ERC1: variants seen among roughly 807,000 people sequenced by gnomAD.
ERC1 encodes ELKS/RAB6-interacting/CAST family member 1, also known as RAB6 interacting protein 2.
In ERC1, 56 loss-of-function variants were observed where a neutral mutation model predicts 132.0. The observed-to-expected ratio is 0.42, with a 90% CI of 0.34 to 0.53. The LOEUF (loss-of-function observed/expected upper bound fraction) is 0.53. Among genes scored for constraint, ERC1 ranks in the 20% least tolerant of loss-of-function variants. The pLI, the probability that ERC1 is intolerant of heterozygous loss-of-function variation, is 0.03. For synonymous variants in ERC1, 478 were observed against 476.1 expected, an observed-to-expected ratio of 1.00 and a Z score of -0.05; for missense variants, 1,202 against 1,349.9, an observed-to-expected ratio of 0.89 and a Z score of 1.72.
chr12:1,195,897 A>C (rs1956187505), intron 12 of ERC1, among the ~76,000 whole-genome samples: 1 of 108,994 alleles, frequency 9.2e-6, no homozygotes, highest in Non-Finnish European at 1.8e-5. Context: ...CTTTTTTTGT[A>C]ATGGAAGCAA....
At chr12:1,100,100 G>A (rs546468326) in intron 3 of ERC1, among the ~76,000 whole-genome samples, 5 of 151,990 alleles carry the variant, frequency 3.3e-5, no homozygotes, top group Non-Finnish European at 5.9e-5. Flanking sequence ...CACCCGCCTC[G>A]GCCTCCCAAA....
intron 11 of ERC1, among the ~76,000 whole-genome samples, chr12:1,187,438 A>AT (rs200080469): frequency 0.014 from 2,069 of 148,172 alleles, 62 homozygotes; most frequent in African/African-American, 0.048. Flanking sequence ...TTATTATTTT[A>AT]TTTTTTTTTG....
intron 4 of ERC1, among the ~76,000 whole-genome samples, chr12:1,107,353 A>C (rs1383357711): frequency 6.6e-6 from 1 of 152,200 alleles, no homozygotes; most frequent in African/African-American, 2.4e-5. Context: ...ATGATGACAG[A>C]GTAGTTTGGA....
At chr12:1,362,581 T>C (rs1346166495) in intron 15 of ERC1, among the ~76,000 whole-genome samples, 1 of 152,204 alleles carries the variant, frequency 6.6e-6, no homozygotes, top group African/African-American at 2.4e-5. Flanking sequence ...TACATTGTGC[T>C]TGAATCATGC....
At chr12:1,440,651 TGTGTGTGTGTGTGTGTGA>T (rs2093120934) in intron 17 of ERC1, among the ~76,000 whole-genome samples, 1 of 131,692 alleles carries the variant, frequency 7.6e-6, no homozygotes, top group African/African-American at 3.4e-5. Flanking sequence ...TGTGTGTGTG[TGTGTGTGTGTGTGTGTGA>T]TGGAGTCTCA....
At chr12:1,109,353 ATTAT>A (rs1054620651) in intron 4 of ERC1, among the ~76,000 whole-genome samples, 48 of 152,326 alleles carry the variant, frequency 3.2e-4, no homozygotes, top group Admixed American at 9.8e-4. Context: ...AAATAACTTA[ATTAT>A]TCCCCCATTT....
chr12:1,420,005 T>C (rs1292895092), intron 17 of ERC1, among the ~76,000 whole-genome samples: 2 of 152,162 alleles, frequency 1.3e-5, no homozygotes, highest in Admixed American at 1.3e-4. Context: ...CTTGAGGCTT[T>C]GGTTTAGCCT....
At chr12:1,481,723 C>T (rs987658931) in intron 18 of ERC1, among the ~76,000 whole-genome samples, 2 of 152,202 alleles carry the variant, frequency 1.3e-5, no homozygotes, top group African/African-American at 4.8e-5. Flanking sequence ...TTTTCCCAGG[C>T]ATAGCATACG....
chr12:1,284,549 C>G (rs976314174), intron 14 of ERC1, among the ~76,000 whole-genome samples: 16 of 152,160 alleles, frequency 1.1e-4, no homozygotes, highest in African/African-American at 3.9e-4. Context: ...AATTTACATT[C>G]TCACTAACAG....
intron 15 of ERC1, among the ~76,000 whole-genome samples, chr12:1,329,430 C>T (rs2082709230): frequency 8.4e-6 from 1 of 119,648 alleles, no homozygotes; most frequent in Admixed American, 8.1e-5. Context: ...TAATAATGAC[C>T]TTCTATCCCT....
In ERC1 at chr12:1,490,392, A is replaced by C; in HGVS notation, c.*162A>C. The C allele has an allele frequency of 1.0e-5, 7 of 670,072 alleles. No individual in the cohort carries two copies. Among genetic ancestry groups the C allele is most frequent in the Non-Finnish European group, 1.8e-5 (7 of 399,752 alleles). The allele number at this position is 670,072 out of a possible 1,614,324, so 41.5% of individuals were successfully genotyped here. On this transcript the variant is annotated 3_prime_UTR_variant, in exon 19 of 19. Transcript: ENST00000360905. ...TTCCAGCACCGTTTCTACATCTGCCATCTTACTCTGCCTTTCTGCTTTGGA... is the reference window on the plus strand; with the variant it reads ...TTCCAGCACCGTTTCTACATCTGCCCTCTTACTCTGCCTTTCTGCTTTGGA...
At chr12:1,472,913 T>A (rs2093892084) in intron 18 of ERC1, among the ~76,000 whole-genome samples, 1 of 152,150 alleles carries the variant, frequency 6.6e-6, no homozygotes, top group Non-Finnish European at 1.5e-5. Flanking sequence ...AAGGAGGAAG[T>A]CCCTTTATAT....
At chr12:1,378,951 C>T (rs7955591) in intron 16 of ERC1, among the ~76,000 whole-genome samples, 61,737 of 151,992 alleles carry the variant, frequency 0.41, 13,774 homozygotes, top group African/African-American at 0.59. Context: ...CAAAGGGAAG[C>T]ACATCACAAA....
intron 16 of ERC1, among the ~76,000 whole-genome samples, chr12:1,373,063 A>G (rs1052416190): frequency 6.6e-6 from 1 of 152,238 alleles, no homozygotes; most frequent in Non-Finnish European, 1.5e-5. Context: ...GCAAAAAGTA[A>G]CCCATTGCTT....
intron 17 of ERC1, among the ~76,000 whole-genome samples, chr12:1,431,720 T>A (rs1390862518): frequency 6.6e-6 from 1 of 152,228 alleles, no homozygotes; most frequent in Non-Finnish European, 1.5e-5. Context: ...GTACTTTTCA[T>A]TGTGAATGGA....
At chr12:1,470,408 C>T (rs1207946910) in intron 18 of ERC1, among the ~76,000 whole-genome samples, 2 of 151,618 alleles carry the variant, frequency 1.3e-5, no homozygotes, top group African/African-American at 2.4e-5. Flanking sequence ...ACAGTTTCAG[C>T]ATTAGGTTTC....
intron 17 of ERC1, among the ~76,000 whole-genome samples, chr12:1,432,896 C>CA (rs1012463576): frequency 6.6e-6 from 1 of 151,902 alleles, no homozygotes; most frequent in Non-Finnish European, 1.5e-5. Flanking sequence ...AAACAAAAAC[C>CA]AAAAAAAACT....
At chr12:1,403,715 T>C (rs1482846708) in intron 16 of ERC1, among the ~76,000 whole-genome samples, 2 of 152,230 alleles carry the variant, frequency 1.3e-5, no homozygotes, top group Non-Finnish European at 2.9e-5. Context: ...AGAAGTACTT[T>C]AAATGCGTTC....
chr12:1,006,471 C>CCTT (rs1388432129), intron 1 of ERC1, among the ~76,000 whole-genome samples: 7 of 152,096 alleles, frequency 4.6e-5, no homozygotes, highest in African/African-American at 1.7e-4. Flanking sequence ...GTAGTCTTGA[C>CCTT]CTTCCACTCC....
Sources: allele counts gnomAD v4.1 joint callset (sites outside exome capture counted in the v4.1 genomes callset), GRCh38; gene constraint gnomAD v4.1.1; transcripts MANE v1.5; gene names NCBI Gene and HGNC (gene_info 2026-07-23, HGNC 2026-07-21).